SULT1C2: variants seen among roughly 807,000 people sequenced by gnomAD.
SULT1C2 encodes sulfotransferase family 1C member 2, also known as sulfotransferase 1C2.
SULT1C2 carries 27 observed loss-of-function variants against 36.0 expected under a neutral mutation model. The observed-to-expected ratio is 0.75, with a 90% CI of 0.55 to 1.03. The LOEUF (loss-of-function observed/expected upper bound fraction) is 1.03. SULT1C2 is among the 50% of genes least tolerant of loss of function. The probability of loss-of-function intolerance (pLI) is 0.00; values close to 1 mark genes in which losing one functional copy is unlikely to be tolerated. For synonymous variants in SULT1C2, 121 were observed against 116.0 expected (o/e 1.04, Z -0.27); for missense variants, 395 against 359.2 (o/e 1.10, Z -0.80).
At chr2:108,299,985 C>G (rs1174190184) in intron 3 of SULT1C2, 3 of 152,254 alleles carry the variant, frequency 2.0e-5, no homozygotes. Flanking sequence ...AGTGGAAGCT[C>G]CTTAGGGAGA....
intron 1 of SULT1C2, among the ~76,000 whole-genome samples, chr2:108,290,753 C>G (rs1412433189): frequency 6.6e-6 from 1 of 152,184 alleles, no homozygotes; most frequent in African/African-American, 2.4e-5. Flanking sequence ...CTCACAAGAC[C>G]CCGTGTCCTA....
At chr2:108,304,727 C>A (rs369554218) in intron 5 of SULT1C2, 27 bp downstream of exon 5, 1 of 1,593,256 alleles carries the variant, frequency 6.3e-7, no homozygotes, top group Non-Finnish European at 8.5e-7. Context: ...CACACCCTTG[C>A]ATTCTCACTC....
chr2:108,298,566 G>A, intron 3 of SULT1C2: 1 of 245,192 alleles, frequency 4.1e-6, no homozygotes, highest in South Asian at 3.5e-5. Context: ...TTTTTTTTTA[G>A]AGACAGGATT....
In SULT1C2 at chr2:108,309,019, G is replaced by A. The variant is rs1351771974; in HGVS notation, c.*555G>A. On this transcript the variant is annotated 3_prime_UTR_variant, in exon 8 of 8. Coordinates refer to ENST00000251481, the MANE Select transcript of SULT1C2 (RefSeq NM_001056.4). ...TGGGAATAAAATGGAAGTGCACAGA[G>A]GAGATGTCAGAAGACCAAAACTTGG... 18 of 152,424 alleles carry A rather than the reference G, an allele frequency of 1.2e-4. No individual in the cohort carries two copies. The highest frequency in any genetic ancestry group is 1.2e-3 in the Admixed American group (18 of 15,308). 9.4% of individuals were successfully genotyped at this position (152,424 alleles called of 1,614,324 possible).
chr2:108,295,723 G>A (rs971191412), intron 3 of SULT1C2, among the ~76,000 whole-genome samples: 2 of 152,180 alleles, frequency 1.3e-5, no homozygotes, highest in African/African-American at 4.8e-5. Context: ...TACTATCTAC[G>A]TGTTAGCTAT....
At chr2:108,305,375 T>C (rs1316761096) in intron 6 of SULT1C2, 40 bp from the exon 7 acceptor site, 20 of 1,609,994 alleles carry the variant, frequency 1.2e-5, no homozygotes, top group Admixed American at 1.7e-5. Context: ...TTCTTTATGA[T>C]ACTCTCATTC....
chr2:108,296,176 G>A (rs1331622825), intron 3 of SULT1C2, among the ~76,000 whole-genome samples: 1 of 152,198 alleles, frequency 6.6e-6, no homozygotes, highest in Non-Finnish European at 1.5e-5. Context: ...ATTAAAGAAA[G>A]AGGAGAGGCC....
chr2:108,295,859 T>G (rs936090805), intron 3 of SULT1C2, among the ~76,000 whole-genome samples: 3 of 152,172 alleles, frequency 2.0e-5, no homozygotes, highest in African/African-American at 7.2e-5. Flanking sequence ...AGTGGTGCCA[T>G]CATAGGTCAC....
chr2:108,295,126 T>TA (rs144700911), intron 3 of SULT1C2, among the ~76,000 whole-genome samples: 3,874 of 152,266 alleles, frequency 0.025, 173 homozygotes, highest in African/African-American at 0.089. Context: ...GATAAATCCC[T>TA]AAAAATGTCC....
In SULT1C2 at chr2:108,296,930, T is replaced by C. The variant is rs116906469; in HGVS notation, c.277+2576T>C. Among the ~76,000 whole-genome samples, 3 of 152,266 alleles carry C rather than the reference T, an allele frequency of 2.0e-5. No individual in the cohort carries two copies. The East Asian group carries it at 5.8e-4, about 29-fold the overall frequency. ...ATGAGCTTGTGCCCTGCATGGTCAG[T>C]CTCCCTTCCAGGCCCCCTTCTGCTC... On this transcript the variant is annotated intron_variant, in intron 3 of 7. Transcript: ENST00000251481.
chr2:108,300,116 T>G (rs1000955533), intron 3 of SULT1C2: 1 of 152,278 alleles, frequency 6.6e-6, no homozygotes, highest in African/African-American at 2.4e-5. Flanking sequence ...CCGTGGCTCA[T>G]GTCTGTAATC....
rs767891981 is a variant in SULT1C2 at position 108,289,463 on chromosome 2, TG to T, written c.-22+394del. 6.6e-5 allele frequency among the ~76,000 whole-genome samples: 10 copies of T among 152,328 alleles called. No homozygotes were observed. The South Asian group carries it at 8.3e-4, about 13-fold the overall frequency. On this transcript the variant is annotated intron_variant, in intron 1 of 7. Transcript: ENST00000251481. Reference sequence around the variant, plus strand: ...ACACATGCTGGGCCTGCAAGGGGACTGAACCAGATCCTGTGCTCCAAGGGTC... The same window carrying T: ...ACACATGCTGGGCCTGCAAGGGGACTAACCAGATCCTGTGCTCCAAGGGTC...
At chr2:108,301,437 C>G (rs1404281062) in intron 4 of SULT1C2, 2 of 152,504 alleles carry the variant, frequency 1.3e-5, no homozygotes, top group East Asian at 3.9e-4. Context: ...AAAACTTAGC[C>G]GGGCGCGGTG....
chr2:108,292,044 C>T (rs1000094579), intron 1 of SULT1C2, among the ~76,000 whole-genome samples: 1 of 152,182 alleles, frequency 6.6e-6, no homozygotes, highest in Non-Finnish European at 1.5e-5. Flanking sequence ...CTAATCTGGG[C>T]ACCTAGTTTT....
Position 108,293,563 on chromosome 2 carries a change from T to C in SULT1C2, c.-21-84T>C, listed in dbSNP as rs564785317. On this transcript the variant is annotated intron_variant, in intron 1 of 7. Transcript: ENST00000251481. ...ACTTAATGCCTCTGAACTGTACACC[T>C]AACGATGGTTAAAATGATCAATTTT... 2.8e-4 allele frequency: 377 copies of C among 1,345,880 alleles called. 2 individuals are homozygous for C. The African/African-American group carries it at 3.9e-3, about 14-fold the overall frequency. 83.4% of individuals were successfully genotyped at this position (1,345,880 alleles called of 1,614,324 possible). A position where few individuals can be genotyped will look rare whatever the true frequency, so the allele number is the denominator to read the frequency against.
rs149311077 is a variant in SULT1C2 at position 108,294,337 on chromosome 2, G to A, written c.260G>A (p.Arg87Gln). Reference sequence around the variant, plus strand: ...CGCCATCCTTTCATTGAGTGGGCTCGGCCACCCCAACCTTCTGGTGAGAGC... The same window carrying A: ...CGCCATCCTTTCATTGAGTGGGCTCAGCCACCCCAACCTTCTGGTGAGAGC... Reference protein sequence around the residue: ...QHRHPFIEWARPPQPSGVEKA... With the variant: ...QHRHPFIEWAQPPQPSGVEKA... Residue 87 changes from arginine to glutamine, a missense_variant, in exon 3 of 8, where the codon CGG becomes CAG. Arg to Gln is a conservative substitution (Grantham distance 43, BLOSUM62 1). Coordinates refer to ENST00000251481, the MANE Select transcript of SULT1C2 (RefSeq NM_001056.4). 3.2e-3 allele frequency: 5,160 copies of A among 1,613,214 alleles called. 30 individuals are homozygous for A. Among genetic ancestry groups the A allele is most frequent in the Non-Finnish European group, 2.9e-3 (3,430 of 1,179,586 alleles).
Position 108,308,382 on chromosome 2 carries a change from C to G in SULT1C2, c.809C>G (p.Thr270Ser). 1 of 1,613,068 alleles carries G rather than the reference C, an allele frequency of 6.2e-7. No homozygotes were observed. Among genetic ancestry groups the G allele is most frequent in the African/African-American group, 1.3e-5 (1 of 74,946 alleles). Residue 270 changes from threonine (T) to serine (S), a missense_variant, in exon 8 of 8, where the codon ACT becomes AGT. Thr to Ser is a moderately conservative substitution (Grantham distance 58, BLOSUM62 1). Transcript: ENST00000251481. ...GTVGDWKNHF[T>S]VAQNERFDEI... ...GTGGGGGATTGGAAAAACCACTTCACTGTTGCCCAGAATGAGAGGTTTGAT... is the reference window on the plus strand; with the variant it reads ...GTGGGGGATTGGAAAAACCACTTCAGTGTTGCCCAGAATGAGAGGTTTGAT...
chr2:108,304,618 C>T lies in SULT1C2; in HGVS notation c.420C>T (p.Tyr140=). Residue 140 remains tyrosine, a synonymous_variant, in exon 5 of 8, where the codon TAC becomes TAT. Transcript: ENST00000251481. ...ATGCCAAAGACTGTATGGTTTCCTA[C>T]TACCATTTCCAAAGGATGAACCACA... ...ARNAKDCMVS[Y]YHFQRMNHML... The T allele has an allele frequency of 6.2e-7, 1 of 1,613,752 alleles. No homozygotes were observed. The highest frequency in any genetic ancestry group is 1.1e-5 in the South Asian group (1 of 90,968).
chr2:108,294,201 C>T (rs1362728916), intron 2 of SULT1C2, 28 bp from the exon 3 acceptor site: 3 of 1,611,996 alleles, frequency 1.9e-6, no homozygotes, highest in African/African-American at 2.7e-5. Context: ...CAGATTTCTG[C>T]TTCTCATCCT....
Sources: gnomAD v4.1 joint callset for allele counts (sites outside exome capture counted in the v4.1 genomes callset) on GRCh38, gnomAD v4.1.1 for gene constraint, MANE v1.5 for transcripts, NCBI Gene and HGNC (gene_info 2026-07-23, HGNC 2026-07-21) for gene names.